Variants in AFG1L observed in about 807,000 individuals in gnomAD.
The protein encoded by AFG1L is AFG1 like ATPase.
AFG1L carries 53 observed loss-of-function variants against 62.2 expected under a neutral mutation model. The observed-to-expected ratio is 0.85, with a 90% CI of 0.68 to 1.07. The LOEUF (loss-of-function observed/expected upper bound fraction) is 1.07, where lower values mean the gene tolerates loss of function less well. AFG1L is among the 50% of genes least tolerant of loss of function. AFG1L has a pLI of 0.00. For missense variants in AFG1L, 555 were observed against 590.5 expected (o/e 0.94, Z 0.62); for synonymous variants, 228 against 210.3 (o/e 1.08, Z -0.73).
intron 3 of AFG1L, 52 bp downstream of exon 3, chr6:108,347,091 T>C: frequency 7.1e-7 from 1 of 1,409,066 alleles, no homozygotes; most frequent in Non-Finnish European, 1.0e-6. Flanking sequence ...GTTTCTCAGC[T>C]TTCTCTCAGG....
chr6:108,471,240 A>T (rs999890157), intron 8 of AFG1L, among the ~76,000 whole-genome samples: 1 of 152,076 alleles, frequency 6.6e-6, no homozygotes. Flanking sequence ...GAGAACATAA[A>T]ATTCTCAACC....
intron 2 of AFG1L, among the ~76,000 whole-genome samples, chr6:108,340,551 G>C (rs938253786): frequency 6.6e-6 from 1 of 151,996 alleles, no homozygotes; most frequent in Non-Finnish European, 1.5e-5. Flanking sequence ...TTTTAGTAGA[G>C]ACAGGGTCTC....
intron 7 of AFG1L, among the ~76,000 whole-genome samples, chr6:108,446,936 A>G (rs1771831212): frequency 6.6e-6 from 1 of 152,112 alleles, no homozygotes; most frequent in Non-Finnish European, 1.5e-5. Flanking sequence ...AGATGAAGTT[A>G]TTTGGGGAAT....
In AFG1L at chr6:108,476,912, A is replaced by T; in HGVS notation, c.938A>T (p.Glu313Val). The change falls in exon 9 of 13, where the codon GAG (glutamate) becomes GTG (valine). Residue 313 changes from glutamate (E) to valine (V), a missense_variant. Physicochemically the swap from Glu to Val is moderately radical, Grantham distance 121. Coordinates refer to ENST00000368977, the MANE Select transcript of AFG1L (RefSeq NM_145315.5). Reference sequence around the variant, plus strand: ...GCTGTCATGGATAAGTTGTTTGATGAGCTGGCTCAGAAACAAAATGATTGT... The same window carrying T: ...GCTGTCATGGATAAGTTGTTTGATGTGCTGGCTCAGAAACAAAATGATTGT... Reference protein sequence around the residue: ...VEAVMDKLFDELAQKQNDLTR... With the variant: ...VEAVMDKLFDVLAQKQNDLTR... 2 of 1,613,904 alleles carry T rather than the reference A, an allele frequency of 1.2e-6. No individual in the cohort carries two copies. Among genetic ancestry groups the T allele is most frequent in the South Asian group, 2.2e-5 (2 of 91,074 alleles).
intron 7 of AFG1L, among the ~76,000 whole-genome samples, chr6:108,440,076 C>CT (rs750715782): frequency 2.6e-4 from 39 of 152,224 alleles, no homozygotes; most frequent in Admixed American, 4.6e-4. Context: ...TATAAACAAA[C>CT]TTTTTTCTGA....
rs182415327 is a variant in AFG1L at position 108,411,454 on chromosome 6, A to C, written c.807+9400A>C. Among the ~76,000 whole-genome samples the C allele has an allele frequency of 2.0e-5, 3 of 152,306 alleles. No individual in the cohort carries two copies. The East Asian group carries it at 5.8e-4, about 29-fold the overall frequency. ...GAGTTTGAGATCTGAGAATGGACAG[A>C]CTGCCTCTCAAGTGGGTCTCTGACT... is the stretch of plus-strand genomic sequence containing the variant. On this transcript the variant is annotated intron_variant, in intron 7 of 12. Transcript: ENST00000368977.
chr6:108,345,336 A>G (rs1358738426), intron 2 of AFG1L, among the ~76,000 whole-genome samples: 1 of 151,954 alleles, frequency 6.6e-6, no homozygotes, highest in Non-Finnish European at 1.5e-5. Flanking sequence ...GTATATTATT[A>G]TATTGACTTC....
chr6:108,409,461 G>T (rs58237724), intron 7 of AFG1L, among the ~76,000 whole-genome samples: 2,998 of 152,138 alleles, frequency 0.02, 95 homozygotes, highest in African/African-American at 0.067. Context: ...GAGCAGGAGC[G>T]GGGGGAGAGG....
intron 2 of AFG1L, among the ~76,000 whole-genome samples, chr6:108,333,141 G>A (rs1486231123): frequency 2.6e-5 from 4 of 152,204 alleles, no homozygotes; most frequent in African/African-American, 9.7e-5. Context: ...TGGGTGCGGT[G>A]GCTCACGCCT....
Position 108,524,089 on chromosome 6 carries a change from A to G in AFG1L, c.*1664A>G, listed in dbSNP as rs1562213453. On this transcript the variant is annotated 3_prime_UTR_variant, in exon 13 of 13. Transcript: ENST00000368977. ...TACAACTACAAAACTCATATACTAT[A>G]TTTTATAACACACTGTCTCTTACTC... The G allele has an allele frequency of 6.6e-6, 1 of 152,180 alleles. No homozygotes were observed. The highest frequency in any genetic ancestry group is 1.5e-5 in the Non-Finnish European group (1 of 68,028). 9.4% of individuals were successfully genotyped at this position (152,180 alleles called of 1,614,324 possible).
At chr6:108,408,223 T>C (rs1202166752) in intron 7 of AFG1L, among the ~76,000 whole-genome samples, 1 of 151,936 alleles carries the variant, frequency 6.6e-6, no homozygotes, top group African/African-American at 2.4e-5. Context: ...AGGGTGAATG[T>C]AGATTAGCCA....
chr6:108,418,324 T>A (rs1770420164), intron 7 of AFG1L, among the ~76,000 whole-genome samples: 1 of 152,186 alleles, frequency 6.6e-6, no homozygotes, highest in Non-Finnish European at 1.5e-5. Context: ...TACCTATGGC[T>A]CTTTTTGGAG....
chr6:108,405,506 C>T (rs1484371806), intron 7 of AFG1L, among the ~76,000 whole-genome samples: 2 of 152,050 alleles, frequency 1.3e-5, no homozygotes, highest in Non-Finnish European at 2.9e-5. Context: ...TCCACCATGC[C>T]CAGCTAATTT....
intron 6 of AFG1L, among the ~76,000 whole-genome samples, chr6:108,394,824 G>A (rs535493689): frequency 6.6e-6 from 1 of 152,292 alleles, no homozygotes; most frequent in South Asian, 2.1e-4. Context: ...CATCGAGTAT[G>A]ATTTAAAAAT....
At chr6:108,417,045 C>A (rs181933274) in intron 7 of AFG1L, among the ~76,000 whole-genome samples, 7 of 151,610 alleles carry the variant, frequency 4.6e-5, no homozygotes, top group Non-Finnish European at 7.4e-5. Context: ...TCAGCCTGGG[C>A]AACATGGCAA....
At chr6:108,487,610 A>C (rs1773620847) in intron 10 of AFG1L, among the ~76,000 whole-genome samples, 1 of 152,220 alleles carries the variant, frequency 6.6e-6, no homozygotes, top group South Asian at 2.1e-4. Flanking sequence ...TCACTAGTTA[A>C]CTACATAATA....
intron 2 of AFG1L, among the ~76,000 whole-genome samples, chr6:108,330,136 A>G (rs1023230513): frequency 6.6e-6 from 1 of 151,102 alleles, no homozygotes; most frequent in African/African-American, 2.4e-5. Flanking sequence ...TCCCTCAAAC[A>G]TGGACTTCTC....
chr6:108,327,419 A>G (rs1384843786), intron 2 of AFG1L, among the ~76,000 whole-genome samples: 1 of 152,176 alleles, frequency 6.6e-6, no homozygotes, highest in East Asian at 1.9e-4. Flanking sequence ...ACAGAAAAAG[A>G]TTTCTTGTAG....
At chr6:108,439,619 AG>A in intron 7 of AFG1L, among the ~76,000 whole-genome samples, 1 of 152,292 alleles carries the variant, frequency 6.6e-6, no homozygotes, top group African/African-American at 2.4e-5. Flanking sequence ...AGGTGATATT[AG>A]GGGGGCTTCA....
Sources: allele counts gnomAD v4.1 joint callset (sites outside exome capture counted in the v4.1 genomes callset), GRCh38; gene constraint gnomAD v4.1.1; transcripts MANE v1.5; gene names NCBI Gene and HGNC (gene_info 2026-07-23, HGNC 2026-07-21).